The following PRKN variants were observed in gnomAD, a reference collection of about 807,000 sequenced individuals.
PRKN encodes E3 ubiquitin-protein ligase parkin.
In PRKN, 56 loss-of-function variants were observed where a neutral mutation model predicts 59.5. The observed-to-expected ratio is 0.94, with a 90% CI of 0.76 to 1.18. PRKN has a LOEUF of 1.18. Among genes scored for constraint, PRKN ranks in the 50% most tolerant of loss-of-function variants. The probability of loss-of-function intolerance (pLI) is 0.00; values close to 1 mark genes in which losing one functional copy is unlikely to be tolerated. For missense variants in PRKN, 657 were observed against 596.4 expected, an observed-to-expected ratio of 1.10 and a Z score of -1.06; for synonymous variants, 250 against 222.1, an observed-to-expected ratio of 1.13 and a Z score of -1.12.
At chr6:162,122,573 C>T (rs1780957961) in intron 4 of PRKN, among the ~76,000 whole-genome samples, 1 of 152,074 alleles carries the variant, frequency 6.6e-6, no homozygotes, top group African/African-American at 2.4e-5. Context: ...GGAAGTATGG[C>T]AATGGGATCA....
chr6:161,897,837 G>C (rs769421006), intron 6 of PRKN, among the ~76,000 whole-genome samples: 6 of 150,398 alleles, frequency 4.0e-5, no homozygotes, highest in South Asian at 2.1e-4. Context: ...CGTAGTGGCG[G>C]GCGCCTGTAG....
At chr6:162,581,229 CAGTT>C (rs1338688409) in intron 1 of PRKN, among the ~76,000 whole-genome samples, 3 of 152,114 alleles carry the variant, frequency 2.0e-5, no homozygotes, top group East Asian at 1.9e-4. Context: ...TCAAAAGAGA[CAGTT>C]AGATTCATTC....
rs1784895483 is a variant in PRKN at position 161,359,545 on chromosome 6, G to A, written c.1285+543C>T. 6.6e-6 allele frequency among the ~76,000 whole-genome samples: 1 copy of A among 152,262 alleles called. No homozygotes were observed. Among genetic ancestry groups the A allele is most frequent in the Non-Finnish European group, 1.5e-5 (1 of 68,044 alleles). ...AGAAAGGGCTCTCGGACCACTGGTT[G>A]TGATGGCTTTGCCCTGAGTGGCATG... On this transcript the variant is annotated intron_variant, in intron 11 of 11. Transcript: ENST00000366898. The surrounding 1 kb of genome is among the most constrained non-coding windows in gnomAD (Gnocchi z 5.4).
At position 162,304,818 on chromosome 6, in the gene PRKN, T is replaced by G. The variant is rs540267611; in HGVS notation, c.172-42053A>C. ...GACCCAGCACCTCCACTCCAGCTGC[T>G]GCTGCCAGATGTGAGTGCCAGGGTA... On this transcript the variant is annotated intron_variant, in intron 2 of 11. Coordinates refer to ENST00000366898, the MANE Select transcript of PRKN (RefSeq NM_004562.3). Among the ~76,000 whole-genome samples, 131 of 123,490 alleles carry G rather than the reference T, an allele frequency of 1.1e-3. 3 individuals are homozygous for G. The highest frequency in any genetic ancestry group is 3.8e-3 in the Middle Eastern group (1 of 266). 81.0% of individuals were successfully genotyped at this position (123,490 alleles called of 152,430 possible).
chr6:162,142,724 C>T (rs527255798), intron 4 of PRKN, among the ~76,000 whole-genome samples: 1 of 152,166 alleles, frequency 6.6e-6, no homozygotes, highest in East Asian at 1.9e-4. Context: ...AGTGAAGAAA[C>T]AGCTAAGATT....
rs751780181 is a variant in PRKN, at chr6:162,727,692, C to T, written c.-24G>A. On this transcript the variant is annotated 5_prime_UTR_variant, in exon 1 of 12. Coordinates refer to ENST00000366898, the MANE Select transcript of PRKN (RefSeq NM_004562.3). ...ATGGTCACTGGGTAGGTGGCGGCTG[C>T]GGGCCAGGAACAGGCCCATGCGCGC... 3.2e-6 allele frequency: 5 copies of T among 1,569,334 alleles called. No individual in the cohort carries two copies. In the South Asian group the frequency reaches 5.8e-5, roughly 18 times the overall value.
intron 1 of PRKN, among the ~76,000 whole-genome samples, chr6:162,575,272 T>C (rs1360752582): frequency 6.6e-6 from 1 of 152,284 alleles, no homozygotes; most frequent in Non-Finnish European, 1.5e-5. Flanking sequence ...TCTTCACCTC[T>C]TCATTGCTTC....
At chr6:162,246,227 G>C (rs1779185789) in intron 3 of PRKN, among the ~76,000 whole-genome samples, 1 of 152,034 alleles carries the variant, frequency 6.6e-6, no homozygotes, top group South Asian at 2.1e-4. Flanking sequence ...TTTCGGGTGA[G>C]CCCTCATGCA....
chr6:161,656,432 C>A (rs1480900633), intron 7 of PRKN, among the ~76,000 whole-genome samples: 1 of 152,164 alleles, frequency 6.6e-6, no homozygotes, highest in Non-Finnish European at 1.5e-5. Context: ...GGTTCTGCTA[C>A]CAGTCTTCCT....
At chr6:161,655,821 T>C (rs1459891200) in intron 7 of PRKN, among the ~76,000 whole-genome samples, 1 of 150,274 alleles carries the variant, frequency 6.7e-6, no homozygotes, top group Non-Finnish European at 1.5e-5. Context: ...ATGTTGATTA[T>C]TGATTTCCAG....
chr6:162,358,538 G>T (rs949021041), intron 2 of PRKN, among the ~76,000 whole-genome samples: 4 of 152,012 alleles, frequency 2.6e-5, no homozygotes, highest in African/African-American at 9.7e-5. Context: ...GTTCATAAAA[G>T]AACTTATTTT....
intron 7 of PRKN, among the ~76,000 whole-genome samples, chr6:161,643,929 T>G (rs1379442425): frequency 6.6e-6 from 1 of 152,014 alleles, no homozygotes; most frequent in East Asian, 1.9e-4. Flanking sequence ...ATATGCCAGT[T>G]TGACATGTGA....
chr6:162,338,612 C>G (rs1170264435), intron 2 of PRKN, among the ~76,000 whole-genome samples: 2 of 152,002 alleles, frequency 1.3e-5, no homozygotes, highest in Admixed American at 6.5e-5. Context: ...CAACCTACAC[C>G]TCCCAGCCGC....
chr6:162,640,156 T>A (rs527394687), intron 1 of PRKN, among the ~76,000 whole-genome samples: 4 of 152,080 alleles, frequency 2.6e-5, no homozygotes, highest in African/African-American at 9.7e-5. Flanking sequence ...AAGCCAGGGT[T>A]CTTGGGAGAC....
At chr6:161,374,533 GGT>G (rs1785577881) in intron 10 of PRKN, among the ~76,000 whole-genome samples, 1 of 141,352 alleles carries the variant, frequency 7.1e-6, no homozygotes, top group African/African-American at 2.7e-5. Flanking sequence ...ATGGGTGTGT[GGT>G]GCATGTGTGT....
chr6:162,609,930 G>A (rs774010293), intron 1 of PRKN, among the ~76,000 whole-genome samples: 3 of 152,066 alleles, frequency 2.0e-5, no homozygotes, highest in Admixed American at 6.6e-5. Context: ...ACATTAGGGC[G>A]ATTATACATT....
rs922663750 is a variant in PRKN at position 161,582,449 on chromosome 6, C to A, written c.872-13033G>T. Among the ~76,000 whole-genome samples the A allele has an allele frequency of 6.9e-6, 1 of 145,124 alleles. No homozygotes were observed. The highest frequency in any genetic ancestry group is 1.5e-5 in the Non-Finnish European group (1 of 66,936). On this transcript the variant is annotated intron_variant, in intron 7 of 11. Transcript: ENST00000366898. This position sits in a 1 kb window ranked among gnomAD's most constrained non-coding sequence, Gnocchi z 4.4. ...ATTATTATTATTATTATTTTTGAGA[C>A]AGAGTCTCGCTCTGTCGCCTAGGCT...
intron 1 of PRKN, among the ~76,000 whole-genome samples, chr6:162,629,682 T>C (rs981121920): frequency 6.6e-6 from 1 of 152,166 alleles, no homozygotes; most frequent in African/African-American, 2.4e-5. Flanking sequence ...GGCATTAAAA[T>C]GTTGTAATAA....
At chr6:162,135,977 C>A (rs149721612) in intron 4 of PRKN, among the ~76,000 whole-genome samples, 1 of 151,942 alleles carries the variant, frequency 6.6e-6, no homozygotes, top group East Asian at 1.9e-4. Flanking sequence ...CTCACTGAAG[C>A]CTTGCTGAGT....
Sources: gnomAD v4.1 joint callset for allele counts (sites outside exome capture counted in the v4.1 genomes callset) on GRCh38, gnomAD v4.1.1 for gene constraint, Gnocchi (gnomAD v3.1) non-coding constraint, MANE v1.5 for transcripts, NCBI Gene and HGNC (gene_info 2026-07-23, HGNC 2026-07-21) for gene names.